The following TESK1 variants were observed in gnomAD, a reference collection of about 807,000 sequenced individuals.
The protein encoded by TESK1 is testis associated actin remodelling kinase 1, also known as dual specificity testis-specific protein kinase 1.
In TESK1, 18 loss-of-function variants were observed where a neutral mutation model predicts 59.9. That is an observed-to-expected ratio of 0.30 (90% CI 0.21 to 0.45). TESK1 has a LOEUF of 0.45. TESK1 is among the 20% of genes least tolerant of loss of function. TESK1 has a pLI of 1.00. For missense variants in TESK1, 748 were observed against 840.9 expected, an observed-to-expected ratio of 0.89 and a Z score of 1.37; for synonymous variants, 341 against 357.4, an observed-to-expected ratio of 0.95 and a Z score of 0.52.
In TESK1 at chr9:35,605,629, G is replaced by A. The variant is rs1018834693; in HGVS notation, c.10G>A (p.Glu4Lys). Residue 4 changes from glutamate (E) to lysine (K), a missense_variant, in exon 1 of 10, where the codon GAA (glutamate) becomes AAA (lysine). By Grantham distance (56) the Glu-to-Lys change is moderately conservative. Around this residue, in one of 3 missense-constraint regions of TESK1, gnomAD observed 133 missense variants for 117.4 expected, o/e 1.13. Coordinates refer to ENST00000336395, the MANE Select transcript of TESK1 (RefSeq NM_006285.3). ...GGCTGGGGGCCCGGCCATGGCCGGG[G>A]AACGGCCCCCACTGCGGGGCCCTGG... MAG[E>K]RPPLRGPGPG... 25 of 1,184,512 alleles carry A rather than the reference G, an allele frequency of 2.1e-5. No individual in the cohort carries two copies. Among genetic ancestry groups the A allele is most frequent in the Non-Finnish European group, 1.5e-5 (14 of 952,314 alleles). 73.4% of individuals were successfully genotyped at this position (1,184,512 alleles called of 1,614,324 possible).
chr9:35,607,492 G>A lies in TESK1; in HGVS notation c.620+83G>A. On this transcript the variant is annotated intron_variant, in intron 5 of 9. Coordinates refer to ENST00000336395, the MANE Select transcript of TESK1 (RefSeq NM_006285.3). This position sits in a 1 kb window ranked among gnomAD's most constrained non-coding sequence, Gnocchi z 4.5. Reference sequence around the variant, plus strand: ...CCAGAGCCCCAGGGATGTTTCCCTTGGGGAACGGAGGGAGTTCACCTCATC... The same window carrying A: ...CCAGAGCCCCAGGGATGTTTCCCTTAGGGAACGGAGGGAGTTCACCTCATC... The A allele has an allele frequency of 6.3e-7, 1 of 1,587,614 alleles. No individual in the cohort carries two copies. Among genetic ancestry groups the A allele is most frequent in the Non-Finnish European group, 8.6e-7 (1 of 1,156,434 alleles).
chr9:35,607,166 T>A lies in TESK1; in HGVS notation c.538-161T>A. 8.2e-7 allele frequency: 1 copy of A among 1,220,332 alleles called. No homozygotes were observed. The highest frequency in any genetic ancestry group is 1.2e-6 in the Non-Finnish European group (1 of 865,304). 75.6% of individuals were successfully genotyped at this position (1,220,332 alleles called of 1,614,324 possible). On this transcript the variant is annotated intron_variant, in intron 4 of 9. Transcript: ENST00000336395. This position sits in a 1 kb window ranked among gnomAD's most constrained non-coding sequence, Gnocchi z 4.5. ...GAGGGACTGAGTAGCACCCTGTGTT[T>A]GGAGTGTTGGATGATGTTGCAATAT...
At chr9:35,606,505 TC>T (rs1191410466) in intron 3 of TESK1, among the ~76,000 whole-genome samples, 4 of 152,238 alleles carry the variant, frequency 2.6e-5, no homozygotes, top group Admixed American at 2.0e-4. Flanking sequence ...AATAGAATTT[TC>T]TTCAGTGACG....
In TESK1 at chr9:35,607,110, T is replaced by A. The variant is rs1443314551; in HGVS notation, c.537+127T>A. On this transcript the variant is annotated intron_variant, in intron 4 of 9. Coordinates refer to ENST00000336395, the MANE Select transcript of TESK1 (RefSeq NM_006285.3). This position sits in a 1 kb window ranked among gnomAD's most constrained non-coding sequence, Gnocchi z 4.5. The stretch of plus-strand genomic sequence containing the variant: ...GTTGGAGTGGCAAGGCATTGGAGAA[T>A]ATTGGGGGACCAGGGTGAGGGGAGT... The A allele has an allele frequency of 3.6e-6, 5 of 1,380,554 alleles. No homozygotes were observed. The highest frequency in any genetic ancestry group is 4.9e-6 in the Non-Finnish European group (5 of 1,026,472). 85.5% of individuals were successfully genotyped at this position (1,380,554 alleles called of 1,614,324 possible).
At position 35,609,652 on chromosome 9, in the gene TESK1, G is replaced by A. The variant is rs1822937706; in HGVS notation, c.1791G>A (p.Leu597=). Residue 597 remains leucine (L), a synonymous_variant, in exon 10 of 10, where the codon CTG becomes CTA. Transcript: ENST00000336395. The surrounding 1 kb of genome is among the most constrained non-coding windows in gnomAD (Gnocchi z 6.7). ...CAGCTGTTGCCCGCTACCGCAACCT[G>A]AACTGTGAGGCGGGCAGTCTCCTCT... ...PTPAVARYRN[L]NCEAGSLLCH... 6.2e-7 allele frequency: 1 copy of A among 1,606,816 alleles called. No homozygotes were observed. The highest frequency in any genetic ancestry group is 8.5e-7 in the Non-Finnish European group (1 of 1,179,952).
intron 2 of TESK1, 27 bp from the exon 3 acceptor site, chr9:35,606,210 C>G (rs1175339566): frequency 3.8e-5 from 61 of 1,614,068 alleles, no homozygotes; most frequent in Non-Finnish European, 5.1e-5. Context: ...AATAGCCTAT[C>G]CTTCTATCTT....
At chr9:35,608,557 C>G in intron 9 of TESK1, 48 bp downstream of exon 9, 1 of 1,551,320 alleles carries the variant, frequency 6.4e-7, no homozygotes, top group Non-Finnish European at 8.8e-7. Context: ...GGCCTTTGTC[C>G]TCCCTAGAAT....
chr9:35,608,637 G>A, intron 9 of TESK1, 128 bp downstream of exon 9: 1 of 909,974 alleles, frequency 1.1e-6, no homozygotes, highest in Non-Finnish European at 1.6e-6. Context: ...CTGGGGTAGG[G>A]TGGGAGGACA....
chr9:35,606,777 G>A (rs977880961), intron 3 of TESK1, 60 bp from the exon 4 acceptor site: 10 of 1,521,484 alleles, frequency 6.6e-6, no homozygotes, highest in South Asian at 1.2e-5. Flanking sequence ...CGTGTAAGTG[G>A]GGGACCTAGA....
rs199595376 is a variant in TESK1 at position 35,608,978 on chromosome 9, G to A, written c.1117G>A (p.Asp373Asn). The A allele has an allele frequency of 2.1e-4, 340 of 1,614,028 alleles. No individual in the cohort carries two copies. Among genetic ancestry groups the A allele is most frequent in the Non-Finnish European group, 2.7e-4 (316 of 1,180,046 alleles). ...PSPESPPNWG[D>N]NLTRVNPFSL... The stretch of plus-strand genomic sequence containing the variant: ...ACCAGAATCACCCCCCAACTGGGGG[G>A]ACAATCTGACTCGAGTCAACCCCTT... The change falls in exon 10 of 10, where the codon GAC (aspartate) becomes AAC (asparagine). Residue 373 changes from aspartate (D) to asparagine (N), a missense_variant. Transcript: ENST00000336395.
rs760918933 is a variant in TESK1 at position 35,606,909 on chromosome 9, C to G, written c.463C>G (p.Leu155Val). 1.2e-6 allele frequency: 2 copies of G among 1,613,792 alleles called. No individual in the cohort carries two copies. The highest frequency in any genetic ancestry group is 2.7e-5 in the African/African-American group (2 of 74,914). ...EPLSWPVRLH[L>V]ALDIARGLRY... ...CCTGTCCTGGCCGGTCAGGCTCCAC[C>G]TGGCCCTGGACATTGCCCGAGGCCT... Residue 155 changes from leucine to valine, a missense_variant, in exon 4 of 10, where the codon CTG (leucine) becomes GTG (valine). Leu to Val is a conservative substitution (Grantham distance 32, BLOSUM62 1). Around this residue, in one of 3 missense-constraint regions of TESK1, gnomAD observed 168 missense variants for 257.4 expected, o/e 0.65. Transcript: ENST00000336395.
At chr9:35,608,651 C>T in intron 9 of TESK1, 142 bp downstream of exon 9, 1 of 946,622 alleles carries the variant, frequency 1.1e-6, no homozygotes. Flanking sequence ...GAGGACATCT[C>T]CAAGAAGACA....
Position 35,607,014 on chromosome 9 carries a change from A to G in TESK1, c.537+31A>G. 1 of 1,546,302 alleles carries G rather than the reference A, an allele frequency of 6.5e-7. No individual in the cohort carries two copies. The highest frequency in any genetic ancestry group is 2.3e-5 in the East Asian group (1 of 43,410). On this transcript the variant is annotated intron_variant, in intron 4 of 9. Transcript: ENST00000336395. The surrounding 1 kb of genome is among the most constrained non-coding windows in gnomAD (Gnocchi z 4.5). ...CTAGCAGGGTGGGTGGAGACATGAA[A>G]GAGGGTTTGAGGCTATTAGGTTGTA...
intron 3 of TESK1, among the ~76,000 whole-genome samples, 168 bp from the exon 4 acceptor site, chr9:35,606,669 A>G (rs1822855245): frequency 6.6e-6 from 1 of 152,042 alleles, no homozygotes; most frequent in Admixed American, 6.6e-5. Context: ...GCTAATGGCT[A>G]TTGAGTTGAA....
Position 35,606,267 on chromosome 9 carries a change from G to A in TESK1, c.372G>A (p.Gln124=). The change falls in exon 3 of 10, where the codon CAG becomes CAA. Residue 124 remains glutamine (Q), a synonymous_variant. Coordinates refer to ENST00000336395, the MANE Select transcript of TESK1 (RefSeq NM_006285.3). ...RFMGVCVHQG[Q]LHALTEYMNG... is the part of the protein sequence containing the mutation. ...TGGGAGTCTGTGTGCACCAGGGACAGCTGCACGCTCTTACAGAGGTGAGGA... is the reference window on the plus strand; with the variant it reads ...TGGGAGTCTGTGTGCACCAGGGACAACTGCACGCTCTTACAGAGGTGAGGA... 6.2e-7 allele frequency: 1 copy of A among 1,614,110 alleles called. No homozygotes were observed. Among genetic ancestry groups the A allele is most frequent in the South Asian group, 1.1e-5 (1 of 91,074 alleles).
rs761017954 is a variant in TESK1 at position 35,608,932 on chromosome 9, A to G, written c.1071A>G (p.Ser357=). 5 of 1,613,930 alleles carry G rather than the reference A, an allele frequency of 3.1e-6. No individual in the cohort carries two copies. The highest frequency in any genetic ancestry group is 4.2e-6 in the Non-Finnish European group (5 of 1,179,910). The part of the protein sequence containing the change: ...RPDPRLSRSR[S]DLFLPPSPES... ...ATCCCCGGCTTTCCCGAAGCCGGTCAGACCTCTTCCTGCCCCCATCACCAG... is the reference window on the plus strand; with the variant it reads ...ATCCCCGGCTTTCCCGAAGCCGGTCGGACCTCTTCCTGCCCCCATCACCAG... Residue 357 remains serine (S), a synonymous_variant, in exon 10 of 10, where the codon TCA becomes TCG. Coordinates refer to ENST00000336395, the MANE Select transcript of TESK1 (RefSeq NM_006285.3).
At position 35,607,039 on chromosome 9, in the gene TESK1, A is replaced by G; in HGVS notation, c.537+56A>G. The G allele has an allele frequency of 6.7e-7, 1 of 1,502,832 alleles. No homozygotes were observed. The highest frequency in any genetic ancestry group is 8.9e-7 in the Non-Finnish European group (1 of 1,120,558). 93.1% of individuals were successfully genotyped at this position (1,502,832 alleles called of 1,614,324 possible). On this transcript the variant is annotated intron_variant, in intron 4 of 9. Coordinates refer to ENST00000336395, the MANE Select transcript of TESK1 (RefSeq NM_006285.3). This position sits in a 1 kb window ranked among gnomAD's most constrained non-coding sequence, Gnocchi z 4.5. The stretch of plus-strand genomic sequence containing the variant: ...AGAGGGTTTGAGGCTATTAGGTTGT[A>G]ACTGGCCTGTGGATGTTGGAATATG...
chr9:35,606,490 T>G (rs1004394518), intron 3 of TESK1, among the ~76,000 whole-genome samples: 1 of 152,214 alleles, frequency 6.6e-6, no homozygotes, highest in Non-Finnish European at 1.5e-5. Context: ...AGAACAGTGC[T>G]GTCCAATAGA....
chr9:35,605,719 G>C lies in TESK1; in HGVS notation c.100G>C (p.Gly34Arg), dbSNP rs915628991. 4 of 1,561,852 alleles carry C rather than the reference G, an allele frequency of 2.6e-6. No homozygotes were observed. In the Admixed American group the frequency reaches 7.4e-5, roughly 29 times the overall value. The change falls in exon 1 of 10, where the codon GGC becomes CGC. Residue 34 changes from glycine (G) to arginine (R), a missense_variant. Coordinates refer to ENST00000336395, the MANE Select transcript of TESK1 (RefSeq NM_006285.3). ...GCCGGGGGGCACGGGCGGAGGCCCG[G>C]GCCGGGGCCGCCCCTCCTCCTACCG... ...PGPGGTGGGP[G>R]RGRPSSYRAL...
Sources: allele counts gnomAD v4.1 joint callset (sites outside exome capture counted in the v4.1 genomes callset), GRCh38; gene constraint gnomAD v4.1.1; regional missense constraint gnomAD v4.1.1; non-coding constraint Gnocchi (gnomAD v3.1); transcripts MANE v1.5; gene names NCBI Gene and HGNC (gene_info 2026-07-23, HGNC 2026-07-21).